Variants in SHTN1 observed in about 807,000 individuals in gnomAD.
The protein encoded by SHTN1 is shootin-1.
Under a neutral mutation model 83.1 loss-of-function variants are expected in SHTN1, and 42 were observed. The ratio of observed to expected loss-of-function variants is 0.51; its 90% CI spans 0.39 to 0.65. The LOEUF (loss-of-function observed/expected upper bound fraction) is 0.65. SHTN1 is among the 30% of genes least tolerant of loss of function. The probability of loss-of-function intolerance (pLI) is 0.00; values close to 1 mark genes in which losing one functional copy is unlikely to be tolerated. For missense variants in SHTN1, 622 were observed against 737.8 expected, an observed-to-expected ratio of 0.84 and a Z score of 1.82; for synonymous variants, 224 against 247.7, an observed-to-expected ratio of 0.90 and a Z score of 0.90.
At chr10:117,026,449 T>G (rs1852334318) in intron 2 of SHTN1, among the ~76,000 whole-genome samples, 1 of 151,824 alleles carries the variant, frequency 6.6e-6, no homozygotes. Flanking sequence ...TGAGACAGTG[T>G]TTCACTCTTG....
chr10:116,978,741 C>T (rs1188623903), intron 2 of SHTN1, among the ~76,000 whole-genome samples: 1 of 152,162 alleles, frequency 6.6e-6, no homozygotes, highest in African/African-American at 2.4e-5. Context: ...TGAAAATATT[C>T]ACCAGACTTC....
intron 4 of SHTN1, among the ~76,000 whole-genome samples, chr10:116,958,258 T>C (rs1850054266): frequency 6.6e-6 from 1 of 152,132 alleles, no homozygotes; most frequent in African/African-American, 2.4e-5. Flanking sequence ...GTCACACATA[T>C]AATGAAGTTT....
At chr10:117,096,561 T>C (rs534782255) in intron 1 of SHTN1, among the ~76,000 whole-genome samples, 3 of 152,216 alleles carry the variant, frequency 2.0e-5, no homozygotes, top group Non-Finnish European at 4.4e-5. Flanking sequence ...TAGACCAACA[T>C]TCAAATGGTA....
chr10:116,965,864 T>C (rs1055510333), intron 3 of SHTN1, among the ~76,000 whole-genome samples: 1 of 152,228 alleles, frequency 6.6e-6, no homozygotes. Context: ...TCACACAAAC[T>C]AATGCTCTTC....
At chr10:116,975,743 CT>C (rs1298782581) in intron 2 of SHTN1, among the ~76,000 whole-genome samples, 1 of 152,074 alleles carries the variant, frequency 6.6e-6, no homozygotes, top group Non-Finnish European at 1.5e-5. Flanking sequence ...TCCACTCCCC[CT>C]GCCCCAAATT....
intron 2 of SHTN1, 69 bp downstream of exon 2, chr10:116,979,187 G>T: frequency 7.8e-7 from 1 of 1,283,960 alleles, no homozygotes; most frequent in South Asian, 1.2e-5. Context: ...ATTGGTGACT[G>T]AACAATGCAC....
rs550340247 is a variant in SHTN1 at position 116,957,245 on chromosome 10, A to G, written c.267+2891T>C. Among the ~76,000 whole-genome samples, 11 of 149,600 alleles carry G rather than the reference A, an allele frequency of 7.4e-5. No individual in the cohort carries two copies. In the South Asian group the frequency reaches 1.9e-3, roughly 26 times the overall value. Reference sequence around the variant, plus strand: ...ACCCCTCTATGTCTAAGGCAAAAATATATCTTTTTACTTTTTTTTTTTTTT... The same window carrying G: ...ACCCCTCTATGTCTAAGGCAAAAATGTATCTTTTTACTTTTTTTTTTTTTT... On this transcript the variant is annotated intron_variant, in intron 4 of 16. Coordinates refer to ENST00000355371, the MANE Select transcript of SHTN1 (RefSeq NM_001127211.3).
chr10:117,009,129 G>C (rs959791174), upstream of SHTN1, among the ~76,000 whole-genome samples: 4 of 151,628 alleles, frequency 2.6e-5, no homozygotes, highest in Admixed American at 6.6e-5. Context: ...AAAAAGAAAA[G>C]AAAAGAAAAT....
At chr10:117,016,262 C>T (rs1034164638) in intron 2 of SHTN1, among the ~76,000 whole-genome samples, 3 of 151,998 alleles carry the variant, frequency 2.0e-5, no homozygotes, top group Admixed American at 6.6e-5. Flanking sequence ...ATGTTTGAGG[C>T]GTATGTGTGT....
chr10:116,909,685 T>C (rs1258382017), intron 14 of SHTN1, among the ~76,000 whole-genome samples: 1 of 152,178 alleles, frequency 6.6e-6, no homozygotes, highest in Non-Finnish European at 1.5e-5. Flanking sequence ...TTGAAAATTG[T>C]TCAACTCAGA....
intron 1 of SHTN1, among the ~76,000 whole-genome samples, chr10:117,081,565 G>A (rs1440567362): frequency 3.4e-5 from 3 of 89,220 alleles, no homozygotes; most frequent in African/African-American, 1.2e-4. Flanking sequence ...GAGTTAGGGA[G>A]GATTCCCTCT....
chr10:117,081,405 AG>A (rs1158265248), intron 1 of SHTN1, among the ~76,000 whole-genome samples: 2 of 136,950 alleles, frequency 1.5e-5, no homozygotes, highest in African/African-American at 5.5e-5. Flanking sequence ...ATGGTGGATA[AG>A]CTTTTTGATG....
At chr10:116,922,305 T>C (rs914019028) in intron 11 of SHTN1, among the ~76,000 whole-genome samples, 3 of 152,066 alleles carry the variant, frequency 2.0e-5, no homozygotes, top group Non-Finnish European at 4.4e-5. Flanking sequence ...AAAAATCTGA[T>C]AATATCAAGT....
chr10:116,890,805 A>T (rs1847320298), intron 16 of SHTN1, among the ~76,000 whole-genome samples: 1 of 152,240 alleles, frequency 6.6e-6, no homozygotes. Context: ...GTACCAGAAG[A>T]ATCAGAACAA....
chr10:116,881,626 A>G lies in SHTN1; in HGVS notation c.*4718T>C. On this transcript the variant is annotated 3_prime_UTR_variant, in exon 17 of 17. Coordinates refer to ENST00000355371, the MANE Select transcript of SHTN1 (RefSeq NM_001127211.3). ...CCGCTGGTGCCCACCTTCCCCACACAAGGTGTAGAGGAATCAGCCGAAACA... is the reference window on the plus strand; with the variant it reads ...CCGCTGGTGCCCACCTTCCCCACACGAGGTGTAGAGGAATCAGCCGAAACA... The G allele has an allele frequency of 6.5e-7, 1 of 1,550,300 alleles. No individual in the cohort carries two copies. Among genetic ancestry groups the G allele is most frequent in the Non-Finnish European group, 8.7e-7 (1 of 1,146,874 alleles).
intron 2 of SHTN1, among the ~76,000 whole-genome samples, chr10:117,035,116 G>C (rs957331128): frequency 2.0e-5 from 3 of 152,062 alleles, no homozygotes; most frequent in African/African-American, 7.2e-5. Flanking sequence ...GCATGGTCCT[G>C]GCAAAACAAC....
At chr10:117,042,825 A>T (rs946019902) in intron 2 of SHTN1, among the ~76,000 whole-genome samples, 3 of 152,204 alleles carry the variant, frequency 2.0e-5, no homozygotes, top group Admixed American at 6.5e-5. Flanking sequence ...CATATTTCTT[A>T]GGCTGGTCAC....
intron 12 of SHTN1, among the ~76,000 whole-genome samples, chr10:116,918,763 A>G (rs1848456765): frequency 6.6e-6 from 1 of 152,194 alleles, no homozygotes; most frequent in African/African-American, 2.4e-5. Flanking sequence ...AATAGGAAAT[A>G]CTATTATCCC....
intron 16 of SHTN1, among the ~76,000 whole-genome samples, chr10:116,889,609 G>A (rs975665878): frequency 6.6e-6 from 1 of 152,118 alleles, no homozygotes; most frequent in Non-Finnish European, 1.5e-5. Flanking sequence ...GAACTGGCCC[G>A]AAACCACACA....
Sources: allele counts gnomAD v4.1 joint callset (sites outside exome capture counted in the v4.1 genomes callset), GRCh38; gene constraint gnomAD v4.1.1; transcripts MANE v1.5; gene names NCBI Gene and HGNC (gene_info 2026-07-23, HGNC 2026-07-21).